The following DIRAS2 variants were observed in gnomAD, a reference collection of about 807,000 sequenced individuals.
The protein encoded by DIRAS2 is DIRAS family GTPase 2, also known as GTP-binding protein Di-Ras2.
In DIRAS2, 5 loss-of-function variants were observed where a neutral mutation model predicts 13.9. The observed-to-expected ratio is 0.36, with a 90% CI of 0.19 to 0.76. DIRAS2 has a LOEUF of 0.76. Among genes scored for constraint, DIRAS2 ranks in the 30% least tolerant of loss-of-function variants. The pLI, the probability that DIRAS2 is intolerant of heterozygous loss-of-function variation, is 0.53. For synonymous variants in DIRAS2, 111 were observed against 105.4 expected (o/e 1.05, Z -0.33); for missense variants, 191 against 263.0 (o/e 0.73, Z 1.89).
chr9:90,627,323 G>T (rs1825279373), intron 1 of DIRAS2, among the ~76,000 whole-genome samples: 1 of 152,128 alleles, frequency 6.6e-6, no homozygotes, highest in South Asian at 2.1e-4. Context: ...ATGCACTATG[G>T]CAACAGAAAT....
rs113253050 is a variant in DIRAS2 at position 90,628,552 on chromosome 9, C to CAT, written c.-37+14199_-37+14200insAT. Among the ~76,000 whole-genome samples, 6 of 145,738 alleles carry CAT rather than the reference C, an allele frequency of 4.1e-5. 1 individual carries two copies. Among genetic ancestry groups the CAT allele is most frequent in the African/African-American group, 1.5e-4 (6 of 39,684 alleles). On this transcript the variant is annotated intron_variant, in intron 1 of 1. Coordinates refer to ENST00000375765, the MANE Select transcript of DIRAS2 (RefSeq NM_017594.5). ...ACACACACACACACACACACACACACGTATTTTTTTTGAGACAAGGTCTCA... is the reference window on the plus strand; with the variant it reads ...ACACACACACACACACACACACACACATGTATTTTTTTTGAGACAAGGTCTCA...
chr9:90,620,155 C>T (rs1015319204), intron 1 of DIRAS2, among the ~76,000 whole-genome samples: 5 of 152,128 alleles, frequency 3.3e-5, no homozygotes, highest in Non-Finnish European at 5.9e-5. Context: ...TACTAAAAAC[C>T]GCTGAAATGT....
chr9:90,638,939 G>A (rs1157140491), intron 1 of DIRAS2, among the ~76,000 whole-genome samples: 2 of 152,090 alleles, frequency 1.3e-5, no homozygotes, highest in Non-Finnish European at 2.9e-5. Context: ...TCCTTCAAAG[G>A]CTCCTTTGTC....
intron 1 of DIRAS2, among the ~76,000 whole-genome samples, chr9:90,617,940 G>T (rs1167330215): frequency 1.3e-5 from 2 of 152,114 alleles, no homozygotes; most frequent in African/African-American, 4.8e-5. Context: ...AAATGGAAAA[G>T]CACCCCATGT....
chr9:90,621,920 T>G (rs1825222551), intron 1 of DIRAS2, among the ~76,000 whole-genome samples: 1 of 152,222 alleles, frequency 6.6e-6, no homozygotes, highest in Non-Finnish European at 1.5e-5. Context: ...TTGTTCAAAA[T>G]ATATATGTGT....
At chr9:90,637,723 T>C (rs931407688) in intron 1 of DIRAS2, among the ~76,000 whole-genome samples, 3 of 152,254 alleles carry the variant, frequency 2.0e-5, no homozygotes, top group South Asian at 2.1e-4. Context: ...GCTCGGTTTT[T>C]AGTAGTTTGC....
chr9:90,624,521 T>A (rs562654981), intron 1 of DIRAS2, among the ~76,000 whole-genome samples: 27 of 152,194 alleles, frequency 1.8e-4, no homozygotes, highest in African/African-American at 6.3e-4. Flanking sequence ...ATGAAGTCAG[T>A]GGAGATAAAT....
intron 1 of DIRAS2, among the ~76,000 whole-genome samples, chr9:90,629,539 A>G (rs2118570325): frequency 6.6e-6 from 1 of 152,118 alleles, no homozygotes; most frequent in African/African-American, 2.4e-5. Flanking sequence ...AAAAAAAAAA[A>G]ACTGCTGACG....
chr9:90,613,066 T>C lies in DIRAS2; in HGVS notation c.*162A>G, dbSNP rs993027775. 2.0e-6 allele frequency: 2 copies of C among 1,002,686 alleles called. No homozygotes were observed. Among genetic ancestry groups the C allele is most frequent in the Non-Finnish European group, 2.9e-6 (2 of 697,774 alleles). 62.1% of individuals were successfully genotyped at this position (1,002,686 alleles called of 1,614,324 possible). A position where few individuals can be genotyped will look rare whatever the true frequency, so the allele number is the denominator to read the frequency against. On this transcript the variant is annotated 3_prime_UTR_variant, in exon 2 of 2. Transcript: ENST00000375765. The surrounding 1 kb of genome is among the most constrained non-coding windows in gnomAD (Gnocchi z 5.6). ...TGACTCCAGAGTGGGTGGCTTACTG[T>C]TGGTGGTGTGAAACGCCCTCTTAAG... is the stretch of plus-strand genomic sequence containing the variant.
intron 1 of DIRAS2, among the ~76,000 whole-genome samples, chr9:90,638,748 T>G (rs1382857400): frequency 1.3e-5 from 2 of 152,062 alleles, no homozygotes; most frequent in African/African-American, 4.8e-5. Context: ...AGCTGGATTT[T>G]TTTTATGCAA....
intron 1 of DIRAS2, among the ~76,000 whole-genome samples, chr9:90,621,749 G>A (rs1204483552): frequency 1.3e-5 from 2 of 152,166 alleles, no homozygotes; most frequent in Admixed American, 6.5e-5. Context: ...GGCACTTATT[G>A]TTTGAATAAC....
At chr9:90,632,203 A>G (rs1342501155) in intron 1 of DIRAS2, among the ~76,000 whole-genome samples, 1 of 152,010 alleles carries the variant, frequency 6.6e-6, no homozygotes, top group Non-Finnish European at 1.5e-5. Context: ...AAAACCCTCC[A>G]TCATTGGCCC....
chr9:90,628,524 C>T (rs1360548108), intron 1 of DIRAS2, among the ~76,000 whole-genome samples: 2 of 17,310 alleles, frequency 1.2e-4, no homozygotes, highest in Non-Finnish European at 1.4e-4. Context: ...AAAATTTATA[C>T]ACACACACAC....
chr9:90,629,068 A>G (rs1379900087), intron 1 of DIRAS2, among the ~76,000 whole-genome samples: 1 of 151,392 alleles, frequency 6.6e-6, no homozygotes, highest in Non-Finnish European at 1.5e-5. Flanking sequence ...GTAAGCCAGG[A>G]TGGTCTGGAT....
At chr9:90,630,389 A>G (rs995570692) in intron 1 of DIRAS2, among the ~76,000 whole-genome samples, 2 of 152,246 alleles carry the variant, frequency 1.3e-5, no homozygotes, top group African/African-American at 4.8e-5. Flanking sequence ...TTACACAAAG[A>G]TATGTGATAA....
chr9:90,612,040 G>A lies in DIRAS2; in HGVS notation c.*1188C>T, dbSNP rs577821383. On this transcript the variant is annotated 3_prime_UTR_variant, in exon 2 of 2. Coordinates refer to ENST00000375765, the MANE Select transcript of DIRAS2 (RefSeq NM_017594.5). Reference sequence around the variant, plus strand: ...GCACACAAAATCATTAAGAGAAAAAGATAATTGTTTCTAGAGTGAATACTG... The same window carrying A: ...GCACACAAAATCATTAAGAGAAAAAAATAATTGTTTCTAGAGTGAATACTG... 2 of 152,674 alleles carry A rather than the reference G, an allele frequency of 1.3e-5. No individual in the cohort carries two copies. Among genetic ancestry groups the A allele is most frequent in the African/African-American group, 4.8e-5 (2 of 41,570 alleles). 9.5% of individuals were successfully genotyped at this position (152,674 alleles called of 1,614,324 possible).
intron 1 of DIRAS2, among the ~76,000 whole-genome samples, chr9:90,641,306 A>G (rs543922751): frequency 2.0e-5 from 3 of 152,314 alleles, no homozygotes; most frequent in South Asian, 2.1e-4. Context: ...CCATGAACAC[A>G]TACTTCCCAT....
intron 1 of DIRAS2, among the ~76,000 whole-genome samples, chr9:90,634,677 T>A (rs1426932155): frequency 6.6e-6 from 1 of 152,080 alleles, no homozygotes; most frequent in African/African-American, 2.4e-5. Context: ...TTTAACCAGA[T>A]AAAAAATAGA....
At position 90,625,243 on chromosome 9, in the gene DIRAS2, G is replaced by A. The variant is rs150821762; in HGVS notation, c.-36-11380C>T. On this transcript the variant is annotated intron_variant, in intron 1 of 1. Transcript: ENST00000375765. ...AGACTATTTAATTCACTGTCAGCCCGTGGGCTACCTATGTATTCTTGGTTA... is the reference window on the plus strand; with the variant it reads ...AGACTATTTAATTCACTGTCAGCCCATGGGCTACCTATGTATTCTTGGTTA... Among the ~76,000 whole-genome samples, 346 of 152,294 alleles carry A rather than the reference G, an allele frequency of 2.3e-3. 5 individuals carry two copies. The highest frequency in any genetic ancestry group is 0.018 in the Admixed American group (276 of 15,290).
Sources: allele counts gnomAD v4.1 joint callset (sites outside exome capture counted in the v4.1 genomes callset), GRCh38; gene constraint gnomAD v4.1.1; non-coding constraint Gnocchi (gnomAD v3.1); transcripts MANE v1.5; gene names NCBI Gene and HGNC (gene_info 2026-07-23, HGNC 2026-07-21).